The following AQP9 variants were observed in gnomAD, a reference collection of about 807,000 sequenced individuals.
AQP9 encodes aquaporin-9.
In AQP9, 19 loss-of-function variants were observed where a neutral mutation model predicts 23.8. That is an observed-to-expected ratio of 0.80 (90% CI 0.56 to 1.17). The LOEUF (loss-of-function observed/expected upper bound fraction) is 1.17. AQP9 is among the 50% of genes most tolerant of loss of function. AQP9 has a pLI of 0.00. For synonymous variants in AQP9, 153 were observed against 131.5 expected (o/e 1.16, Z -1.12); for missense variants, 413 against 362.0 (o/e 1.14, Z -1.14).
chr15:58,139,129 T>C (rs565017510), intron 1 of AQP9, among the ~76,000 whole-genome samples: 3 of 152,332 alleles, frequency 2.0e-5, no homozygotes, highest in Admixed American at 6.5e-5. Context: ...CATCTCAGTA[T>C]GACAAGTACT....
At position 58,173,080 on chromosome 15, in the gene AQP9, A is replaced by T. The variant is rs1353569814; in HGVS notation, c.251A>T (p.Asn84Ile). Residue 84 changes from asparagine (N) to isoleucine (I), a missense_variant, in exon 3 of 6, where the codon AAC (asparagine) becomes ATC (isoleucine). Physicochemically the swap from Asn to Ile is moderately radical, Grantham distance 149 (BLOSUM62 -3). Transcript: ENST00000219919. ...TCTTCCCTTGCAGGTGGTCACATCA[A>T]CCCAGCTGTGTCTTTAGCAATGTGT... Reference protein sequence around the residue: ...VAGGVSGGHINPAVSLAMCLF... With the variant: ...VAGGVSGGHIIPAVSLAMCLF... 1 of 1,613,960 alleles carries T rather than the reference A, an allele frequency of 6.2e-7. No individual in the cohort carries two copies. Among genetic ancestry groups the T allele is most frequent in the Admixed American group, 1.7e-5 (1 of 60,020 alleles).
At chr15:58,183,231 T>C (rs1396286957) in intron 5 of AQP9, among the ~76,000 whole-genome samples, 1 of 152,224 alleles carries the variant, frequency 6.6e-6, no homozygotes, top group East Asian at 1.9e-4. Flanking sequence ...ATATACTGTA[T>C]AATTTGTTTG....
rs917106232 is a variant in AQP9, at chr15:58,184,515, C to G, written c.*380C>G. On this transcript the variant is annotated 3_prime_UTR_variant, in exon 6 of 6. Coordinates refer to ENST00000219919, the MANE Select transcript of AQP9 (RefSeq NM_020980.5). ...ATGGTGTCACCAAAACCCTTTTCTT[C>G]AGTATCGACAAAGATTACATTCTGA... The G allele has an allele frequency of 2.4e-5, 4 of 165,138 alleles. No homozygotes were observed. The highest frequency in any genetic ancestry group is 5.2e-5 in the Non-Finnish European group (4 of 76,834). The allele number at this position is 165,138 out of a possible 1,614,324, so 10.2% of individuals were successfully genotyped here.
At chr15:58,173,020 A>ATTC in intron 2 of AQP9, 48 bp from the exon 3 acceptor site, 1 of 1,610,792 alleles carries the variant, frequency 6.2e-7, no homozygotes, top group Admixed American at 1.7e-5. Flanking sequence ...TTTTCTGTAT[A>ATTC]TTCTTCTTCC....
At chr15:58,169,837 A>G (rs1229018426) in intron 2 of AQP9, among the ~76,000 whole-genome samples, 3 of 152,220 alleles carry the variant, frequency 2.0e-5, no homozygotes, top group African/African-American at 7.2e-5. Context: ...CTATTGATGT[A>G]GTATTTTATG....
intron 1 of AQP9, among the ~76,000 whole-genome samples, chr15:58,154,797 T>C (rs1161586378): frequency 6.6e-6 from 1 of 152,068 alleles, no homozygotes; most frequent in African/African-American, 2.4e-5. Flanking sequence ...TAATTAACCC[T>C]ATCCCCTCCC....
At chr15:58,178,616 T>C (rs1416932911) in intron 4 of AQP9, among the ~76,000 whole-genome samples, 1 of 152,244 alleles carries the variant, frequency 6.6e-6, no homozygotes, top group Non-Finnish European at 1.5e-5. Flanking sequence ...TGATATTGTT[T>C]GGATTTATTT....
intron 2 of AQP9, among the ~76,000 whole-genome samples, chr15:58,172,156 C>A (rs1337407356): frequency 6.6e-6 from 1 of 152,122 alleles, no homozygotes; most frequent in Non-Finnish European, 1.5e-5. Context: ...GAATCTGAAT[C>A]CTGGTTCTTC....
intron 4 of AQP9, among the ~76,000 whole-genome samples, chr15:58,177,100 GCCAATTATCAGTCAGTCAACAC>G (rs1290702031): frequency 1.3e-5 from 2 of 152,122 alleles, no homozygotes; most frequent in Non-Finnish European, 2.9e-5. Flanking sequence ...TCCAAAAATT[GCCAATTATCAGTCAGTCAACAC>G]CCAACAGAGC....
At chr15:58,149,036 CT>C (rs1367918306) in intron 1 of AQP9, among the ~76,000 whole-genome samples, 2 of 152,146 alleles carry the variant, frequency 1.3e-5, no homozygotes, top group South Asian at 2.1e-4. Context: ...AGGTTTCAGT[CT>C]TGGTTCTTTG....
At chr15:58,173,770 CATCTG>C (rs1898679120) in intron 3 of AQP9, among the ~76,000 whole-genome samples, 2 of 152,176 alleles carry the variant, frequency 1.3e-5, no homozygotes, top group South Asian at 2.1e-4. Flanking sequence ...TTAAATAAGT[CATCTG>C]ATCTGACTAG....
At chr15:58,157,686 G>A (rs1898292191) in intron 1 of AQP9, among the ~76,000 whole-genome samples, 1 of 152,152 alleles carries the variant, frequency 6.6e-6, no homozygotes, top group African/African-American at 2.4e-5. Flanking sequence ...GTGTGTGAGA[G>A]AGAACAAGAG....
upstream of AQP9, chr15:58,138,239 C>T (rs190670780): frequency 1.7e-4 from 29 of 172,506 alleles, no homozygotes; most frequent in Admixed American, 1.3e-3. Context: ...TTTCTCATCT[C>T]TTGAAAAAAA....
intron 2 of AQP9, 130 bp from the exon 3 acceptor site, chr15:58,172,938 C>A (rs1401239986): frequency 5.6e-5 from 65 of 1,150,976 alleles, no homozygotes; most frequent in Non-Finnish European, 8.0e-5. Flanking sequence ...CGTGCATACA[C>A]ACCCCTCTTT....
chr15:58,138,968 G>T, intron 1 of AQP9: 1 of 284,754 alleles, frequency 3.5e-6, no homozygotes, highest in Non-Finnish European at 6.8e-6. Context: ...ATGGCTTTGT[G>T]ATTTAAAAGT....
intron 4 of AQP9, among the ~76,000 whole-genome samples, chr15:58,176,120 G>A (rs547596475): frequency 1.3e-5 from 2 of 152,140 alleles, no homozygotes; most frequent in African/African-American, 2.4e-5. Context: ...TTACTTATGA[G>A]GATAAAAAGA....
At chr15:58,139,961 G>C (rs1217256159) in intron 1 of AQP9, among the ~76,000 whole-genome samples, 2 of 152,164 alleles carry the variant, frequency 1.3e-5, no homozygotes, top group African/African-American at 4.8e-5. Flanking sequence ...AGAAATAAAA[G>C]AGAGAAGATG....
intron 1 of AQP9, among the ~76,000 whole-genome samples, chr15:58,164,744 T>C (rs1898461578): frequency 6.6e-6 from 1 of 152,160 alleles, no homozygotes; most frequent in Admixed American, 6.5e-5. Flanking sequence ...GAAAGCATCA[T>C]CTACGTAATT....
chr15:58,146,309 A>G (rs1309774662), intron 1 of AQP9, among the ~76,000 whole-genome samples: 1 of 151,836 alleles, frequency 6.6e-6, no homozygotes, highest in African/African-American at 2.4e-5. Flanking sequence ...CTCTTAATCC[A>G]TGCTGAATTT....
Sources: allele counts gnomAD v4.1 joint callset (sites outside exome capture counted in the v4.1 genomes callset), GRCh38; gene constraint gnomAD v4.1.1; transcripts MANE v1.5; gene names NCBI Gene and HGNC (gene_info 2026-07-23, HGNC 2026-07-21).